The following PDE3B variants were observed in gnomAD, a reference collection of about 807,000 sequenced individuals.
PDE3B encodes cGMP-inhibited 3',5'-cyclic phosphodiesterase 3B.
PDE3B carries 66 observed loss-of-function variants against 116.8 expected under a neutral mutation model. The ratio of observed to expected loss-of-function variants is 0.56; its 90% CI spans 0.46 to 0.69. The LOEUF is 0.69. Among genes scored for constraint, PDE3B ranks in the 30% least tolerant of loss-of-function variants. PDE3B has a pLI of 0.00. For missense variants in PDE3B, 1,384 were observed against 1,368.1 expected (o/e 1.01, Z -0.18); for synonymous variants, 595 against 533.6 (o/e 1.12, Z -1.59).
intron 1 of PDE3B, among the ~76,000 whole-genome samples, chr11:14,713,663 A>G (rs1855774198): frequency 6.6e-6 from 1 of 151,726 alleles, no homozygotes; most frequent in Non-Finnish European, 1.5e-5. Flanking sequence ...CTCCACAATC[A>G]TGTGAACTAC....
chr11:14,880,147 G>C, the PDE3B span: 2 of 1,612,520 alleles, frequency 1.2e-6, no homozygotes, highest in Non-Finnish European at 8.5e-7. Context: ...TTGAATATTA[G>C]GATAAAGGGC....
the PDE3B span, among the ~76,000 whole-genome samples, chr11:14,883,691 A>C: frequency 5.3e-5 from 8 of 152,084 alleles, no homozygotes; most frequent in Non-Finnish European, 1.2e-4. Flanking sequence ...AATGGGATCT[A>C]ATTAAACTCA....
In PDE3B at chr11:14,737,020, A is replaced by G. The variant is rs188213750; in HGVS notation, c.979-34917A>G. 5.3e-5 allele frequency among the ~76,000 whole-genome samples: 8 copies of G among 152,322 alleles called. No individual in the cohort carries two copies. The East Asian group carries it at 9.7e-4, about 18-fold the overall frequency. On this transcript the variant is annotated intron_variant, in intron 1 of 15. Coordinates refer to ENST00000282096, the MANE Select transcript of PDE3B (RefSeq NM_000922.4). ...CAACATTGAGTAATTTGCTTCATCTATCTGGGTCTCAGCTTTCTTATCTTT... is the reference window on the plus strand; with the variant it reads ...CAACATTGAGTAATTTGCTTCATCTGTCTGGGTCTCAGCTTTCTTATCTTT...
intron 12 of PDE3B, among the ~76,000 whole-genome samples, chr11:14,857,451 C>G (rs1847872071): frequency 6.6e-6 from 1 of 152,206 alleles, no homozygotes; most frequent in Admixed American, 6.5e-5. Flanking sequence ...TTTCTTGCCT[C>G]CCACTCATCT....
intron 4 of PDE3B, among the ~76,000 whole-genome samples, chr11:14,802,131 G>C (rs1858791270): frequency 6.6e-6 from 1 of 152,174 alleles, no homozygotes; most frequent in South Asian, 2.1e-4. Flanking sequence ...CTCTTTCCGG[G>C]GGAGTATAGG....
chr11:14,894,256 T>C, the PDE3B span, among the ~76,000 whole-genome samples: 1 of 152,206 alleles, frequency 6.6e-6, no homozygotes, highest in African/African-American at 2.4e-5. Flanking sequence ...TGAGAGATCA[T>C]TACTAAATTT....
rs782627306 is a variant in PDE3B at position 14,869,546 on chromosome 11, C to T, written c.3225C>T (p.Ile1075=). 13 of 1,612,840 alleles carry T rather than the reference C, an allele frequency of 8.1e-6. No homozygotes were observed. Among genetic ancestry groups the T allele is most frequent in the South Asian group, 3.3e-5 (3 of 90,992 alleles). ...AAAACCACAAGATATGGAAGGAAAT[C>T]GTAGAGGAAGAAGAAAAATGTAAAG... ...LTENHKIWKE[I]VEEEEKCKAD... The change falls in exon 16 of 16, where the codon ATC becomes ATT. Residue 1075 remains isoleucine (I), a synonymous_variant. Coordinates refer to ENST00000282096, the MANE Select transcript of PDE3B (RefSeq NM_000922.4).
chr11:14,699,353 G>A (rs1181974787), intron 1 of PDE3B: 3 of 151,740 alleles, frequency 2.0e-5, no homozygotes, highest in Admixed American at 2.0e-4. Context: ...GGAAATATAA[G>A]GTGAGTTTTA....
chr11:14,890,317 G>T, the PDE3B span: 1 of 240,142 alleles, frequency 4.2e-6, no homozygotes, highest in Non-Finnish European at 6.7e-6. Flanking sequence ...AGAATATTAT[G>T]ATGCTGTGTA....
chr11:14,789,818 C>T (rs1431953103), intron 4 of PDE3B, among the ~76,000 whole-genome samples: 2 of 151,952 alleles, frequency 1.3e-5, no homozygotes, highest in Non-Finnish European at 2.9e-5. Flanking sequence ...TGGGAAAATG[C>T]AGGAGCTGAA....
chr11:14,722,674 C>G (rs2133844222), intron 1 of PDE3B, among the ~76,000 whole-genome samples: 1 of 152,300 alleles, frequency 6.6e-6, no homozygotes, highest in East Asian at 1.9e-4. Flanking sequence ...TTCTGCAGAG[C>G]TAGTTTAGTC....
At chr11:14,881,097 C>A in the PDE3B span, among the ~76,000 whole-genome samples, 1 of 152,176 alleles carries the variant, frequency 6.6e-6, no homozygotes, top group Admixed American at 6.6e-5. Flanking sequence ...TTACCAAAGA[C>A]AAATGACCAC....
chr11:14,820,354 G>T (rs1859480228), intron 7 of PDE3B, among the ~76,000 whole-genome samples: 2 of 151,584 alleles, frequency 1.3e-5, no homozygotes, highest in African/African-American at 4.8e-5. Context: ...AAGAAGCCAG[G>T]CCCAAAAGAT....
chr11:14,774,482 GAGTA>G (rs1469756736), intron 2 of PDE3B: 2 of 152,216 alleles, frequency 1.3e-5, no homozygotes, highest in South Asian at 2.1e-4. Context: ...AAAGGCCAGA[GAGTA>G]AGTATTTTAG....
At chr11:14,685,266 C>G (rs948678029) in intron 1 of PDE3B, among the ~76,000 whole-genome samples, 1 of 151,988 alleles carries the variant, frequency 6.6e-6, no homozygotes, top group African/African-American at 2.4e-5. Flanking sequence ...CCGGTCCCTC[C>G]GTTCAGTGTC....
intron 1 of PDE3B, among the ~76,000 whole-genome samples, chr11:14,652,326 A>G (rs538996532): frequency 1.3e-4 from 20 of 152,208 alleles, no homozygotes; most frequent in African/African-American, 2.2e-4. Context: ...TCTCTGTTCT[A>G]TGTCATAGGT....
chr11:14,876,112 T>C (rs1422970163), downstream of PDE3B, among the ~76,000 whole-genome samples: 2 of 152,148 alleles, frequency 1.3e-5, no homozygotes, highest in African/African-American at 4.8e-5. Flanking sequence ...AAGTTCAACT[T>C]AGGCTCTTAG....
At chr11:14,877,976 C>T in the PDE3B span, 1 of 783,020 alleles carries the variant, frequency 1.3e-6, no homozygotes, top group Non-Finnish European at 2.1e-6. Context: ...CTTGTTTCTG[C>T]TCTAGTACTA....
intron 1 of PDE3B, among the ~76,000 whole-genome samples, chr11:14,756,412 A>AG (rs1857181709): frequency 6.6e-6 from 1 of 152,178 alleles, no homozygotes; most frequent in Non-Finnish European, 1.5e-5. Flanking sequence ...GCTATAGGAG[A>AG]GGCCCCTCAA....
Sources: allele counts gnomAD v4.1 joint callset (sites outside exome capture counted in the v4.1 genomes callset), GRCh38; gene constraint gnomAD v4.1.1; transcripts MANE v1.5; gene names NCBI Gene and HGNC (gene_info 2026-07-23, HGNC 2026-07-21).